The following OR1J2 variants were observed in gnomAD, a reference collection of about 807,000 sequenced individuals.
OR1J2 encodes the protein olfactory receptor family 1 subfamily J member 2.
For missense variants in OR1J2, 304 were observed against 246.1 expected, an observed-to-expected ratio of 1.24 and a Z score of -1.57; for synonymous variants, 142 against 99.7, an observed-to-expected ratio of 1.42 and a Z score of -2.52.
At chr9:122,553,038 C>T in the OR1J2 span, 1 of 700,638 alleles carries the variant, frequency 1.4e-6, no homozygotes, top group Non-Finnish European at 2.5e-6. Context: ...TGGGTATTTC[C>T]TTGCATTCCC....
chr9:122,475,549 C>T, the OR1J2 span: 1 of 152,222 alleles, frequency 6.6e-6, no homozygotes, highest in Non-Finnish European at 1.5e-5. Context: ...ACAAGACACT[C>T]TCTTACCTCC....
At chr9:122,554,061 A>T in the OR1J2 span, 1 of 1,613,686 alleles carries the variant, frequency 6.2e-7, no homozygotes. Flanking sequence ...CTATATGGTG[A>T]TTATTCCCAC....
the OR1J2 span, among the ~76,000 whole-genome samples, chr9:122,473,027 A>G: frequency 1.0e-3 from 154 of 152,326 alleles, no homozygotes; most frequent in African/African-American, 3.5e-3. Context: ...GATGACTTCT[A>G]TATACCCTTT....
At chr9:122,462,244 G>T in the OR1J2 span, among the ~76,000 whole-genome samples, 1 of 152,004 alleles carries the variant, frequency 6.6e-6, no homozygotes, top group Admixed American at 6.5e-5. Flanking sequence ...ACTCTTGCTT[G>T]CTTTTGGTGT....
the OR1J2 span, among the ~76,000 whole-genome samples, chr9:122,573,816 C>G: frequency 6.6e-6 from 1 of 152,168 alleles, no homozygotes; most frequent in Non-Finnish European, 1.5e-5. Flanking sequence ...AAAGTCATCT[C>G]TAAACCCAAG....
the OR1J2 span, among the ~76,000 whole-genome samples, chr9:122,542,652 T>G: frequency 6.6e-6 from 1 of 152,328 alleles, no homozygotes; most frequent in African/African-American, 2.4e-5. Flanking sequence ...TCCTTCATTC[T>G]ACTTTATTTT....
At chr9:122,542,464 G>A in the OR1J2 span, among the ~76,000 whole-genome samples, 1 of 152,026 alleles carries the variant, frequency 6.6e-6, no homozygotes, top group East Asian at 1.9e-4. Context: ...GAGAGTTCCA[G>A]TTGCCCTGTA....
chr9:122,508,523 G>A (rs1192074295), upstream of OR1J2, among the ~76,000 whole-genome samples: 1 of 152,174 alleles, frequency 6.6e-6, no homozygotes, highest in African/African-American at 2.4e-5. Flanking sequence ...ATTGAAATTT[G>A]TAGGAGAGGG....
the OR1J2 span, among the ~76,000 whole-genome samples, chr9:122,502,095 C>T: frequency 6.6e-6 from 1 of 152,178 alleles, no homozygotes; most frequent in African/African-American, 2.4e-5. Flanking sequence ...TCTGTGTAAA[C>T]AAACTGGGCT....
downstream of OR1J2, among the ~76,000 whole-genome samples, chr9:122,513,706 C>T (rs934223683): frequency 8.6e-5 from 13 of 152,008 alleles, no homozygotes; most frequent in Non-Finnish European, 1.5e-4. Context: ...CCCCACCCCC[C>T]GACAGGCCCT....
At chr9:122,497,601 C>A in the OR1J2 span, among the ~76,000 whole-genome samples, 1 of 151,850 alleles carries the variant, frequency 6.6e-6, no homozygotes, top group South Asian at 2.1e-4. Flanking sequence ...ATTTTTTATT[C>A]TTTCAAAGAA....
chr9:122,502,749 A>T, the OR1J2 span, among the ~76,000 whole-genome samples: 1 of 151,704 alleles, frequency 6.6e-6, no homozygotes, highest in African/African-American at 2.4e-5. Context: ...CTTTAGGCTT[A>T]GTGGAATCTT....
the OR1J2 span, among the ~76,000 whole-genome samples, chr9:122,518,719 C>T: frequency 0.08 from 12,225 of 152,210 alleles, 537 homozygotes; most frequent in Middle Eastern, 0.1. Flanking sequence ...GAAACTTCAT[C>T]CCTATATGTT....
chr9:122,477,480 C>T, the OR1J2 span: 1 of 1,614,066 alleles, frequency 6.2e-7, no homozygotes, highest in East Asian at 2.2e-5. Context: ...AAGCGATGAC[C>T]CAGGACCCAG....
the OR1J2 span, among the ~76,000 whole-genome samples, chr9:122,501,814 T>C: frequency 2.0e-5 from 3 of 152,194 alleles, no homozygotes; most frequent in Non-Finnish European, 2.9e-5. Flanking sequence ...AAGTCGTTTA[T>C]TTGAGAATCA....
chr9:122,477,481 C>T, the OR1J2 span: 1 of 1,613,982 alleles, frequency 6.2e-7, no homozygotes, highest in Non-Finnish European at 8.5e-7. Flanking sequence ...AGCGATGACC[C>T]AGGACCCAGC....
the OR1J2 span, among the ~76,000 whole-genome samples, chr9:122,520,465 C>T: frequency 6.6e-6 from 1 of 152,094 alleles, no homozygotes; most frequent in African/African-American, 2.4e-5. Flanking sequence ...GTTCTCTTCT[C>T]ACATTTTTTA....
At chr9:122,552,373 A>G in the OR1J2 span, among the ~76,000 whole-genome samples, 1 of 152,192 alleles carries the variant, frequency 6.6e-6, no homozygotes, top group African/African-American at 2.4e-5. Context: ...TTAAAAGTAA[A>G]TATTAGATAA....
At chr9:122,475,402 C>G in the OR1J2 span, among the ~76,000 whole-genome samples, 2 of 152,188 alleles carry the variant, frequency 1.3e-5, no homozygotes, top group African/African-American at 4.8e-5. Flanking sequence ...CTCACAAAAG[C>G]AGGGGATATA....
Sources: allele counts gnomAD v4.1 joint callset (sites outside exome capture counted in the v4.1 genomes callset), GRCh38; gene constraint gnomAD v4.1.1; transcripts MANE v1.5; gene names NCBI Gene and HGNC (gene_info 2026-07-23, HGNC 2026-07-21).